The following PCK1 variants were observed in gnomAD, a reference collection of about 807,000 sequenced individuals.
PCK1 encodes phosphoenolpyruvate carboxykinase, cytosolic [GTP].
A neutral mutation model predicts 50.3 loss-of-function variants in PCK1; 44 were observed. The observed-to-expected ratio is 0.87, with a 90% CI of 0.69 to 1.12. The LOEUF (loss-of-function observed/expected upper bound fraction) is 1.12. Ranked by LOEUF, PCK1 falls within the 50% of genes most tolerant of loss-of-function variation. The probability of loss-of-function intolerance (pLI) is 0.00; values close to 1 mark genes in which losing one functional copy is unlikely to be tolerated. For synonymous variants in PCK1, 332 were observed against 314.3 expected (o/e 1.06, Z -0.59); for missense variants, 790 against 815.0 (o/e 0.97, Z 0.37).
chr20:57,564,952 C>A (rs2070188885), intron 8 of PCK1, 88 bp from the exon 9 acceptor site: 1 of 961,502 alleles, frequency 1.0e-6, no homozygotes, highest in Non-Finnish European at 1.6e-6. Flanking sequence ...CTTGCCGTGT[C>A]TTTCCGTGTT....
chr20:57,565,630 C>G lies in PCK1; in HGVS notation c.1695C>G (p.Asn565Lys). The G allele has an allele frequency of 6.2e-7, 1 of 1,614,186 alleles. No homozygotes were observed. Among genetic ancestry groups the G allele is most frequent in the South Asian group, 1.1e-5 (1 of 91,088 alleles). ...ACATCCCCAAGGAGGATGCCCTGAA[C>G]CTGAAAGGCCTGGGGCACATCAACA... is the stretch of plus-strand genomic sequence containing the variant. ...IGYIPKEDAL[N>K]LKGLGHINMM... The change falls in exon 10 of 10, where the codon AAC becomes AAG. Residue 565 changes from asparagine (N) to lysine (K), a missense_variant. Physicochemically the swap from Asn to Lys is moderately conservative, Grantham distance 94. Coordinates refer to ENST00000319441, the MANE Select transcript of PCK1 (RefSeq NM_002591.4).
chr20:57,563,733 T>C lies in PCK1; in HGVS notation c.961+6T>C, dbSNP rs1302387212. 15 of 1,602,160 alleles carry C rather than the reference T, an allele frequency of 9.4e-6. No homozygotes were observed. Among genetic ancestry groups the C allele is most frequent in the Non-Finnish European group, 1.3e-5 (15 of 1,173,780 alleles). ...GATGAAGTTTGACGCACAAGGTGAC[T>C]CTTTTAGACCCAACTCTTGGTAACG... is the stretch of plus-strand genomic sequence containing the variant. On this transcript the variant is annotated splice_donor_region_variant and intron_variant, in intron 6 of 9. Transcript: ENST00000319441.
In PCK1 at chr20:57,563,570, G is replaced by A; in HGVS notation, c.804G>A (p.Leu268=). The change falls in exon 6 of 10, where the codon CTG becomes CTA. Residue 268 remains leucine (L), a synonymous_variant. Coordinates refer to ENST00000319441, the MANE Select transcript of PCK1 (RefSeq NM_002591.4). ...AAGAATCTTGTCCCCAACAGATTCTGGGTATAACCAACCCTGAGGGTGAGA... is the reference window on the plus strand; with the variant it reads ...AAGAATCTTGTCCCCAACAGATTCTAGGTATAACCAACCCTGAGGGTGAGA... ...EGWLAEHMLI[L]GITNPEGEKK... 6.2e-7 allele frequency: 1 copy of A among 1,602,578 alleles called. No individual in the cohort carries two copies. Among genetic ancestry groups the A allele is most frequent in the African/African-American group, 1.3e-5 (1 of 74,602 alleles).
At position 57,563,625 on chromosome 20, in the gene PCK1, G is replaced by T. The variant is rs747837917; in HGVS notation, c.859G>T (p.Ala287Ser). The T allele has an allele frequency of 6.2e-7, 1 of 1,613,076 alleles. No individual in the cohort carries two copies. Among genetic ancestry groups the T allele is most frequent in the South Asian group, 1.1e-5 (1 of 91,050 alleles). The change falls in exon 6 of 10, where the codon GCC (alanine) becomes TCC (serine). Residue 287 changes from alanine to serine, a missense_variant. Coordinates refer to ENST00000319441, the MANE Select transcript of PCK1 (RefSeq NM_002591.4). The part of the protein sequence containing the change: ...KKYLAAAFPS[A>S]CGKTNLAMMN... ...GTACCTGGCGGCCGCATTTCCCAGCGCCTGCGGGAAGACCAACCTGGCCAT... is the reference window on the plus strand; with the variant it reads ...GTACCTGGCGGCCGCATTTCCCAGCTCCTGCGGGAAGACCAACCTGGCCAT...
intron 7 of PCK1, 29 bp downstream of exon 7, chr20:57,564,422 C>A (rs1486395200): frequency 3.7e-6 from 6 of 1,613,748 alleles, no homozygotes; most frequent in Non-Finnish European, 5.1e-6. Context: ...CCTTGGTGTG[C>A]CGGGCTGCAG....
At position 57,561,574 on chromosome 20, in the gene PCK1, C is replaced by A. The variant is rs373529977; in HGVS notation, c.163C>A (p.Arg55=). Residue 55 remains arginine (R), a synonymous_variant, in exon 2 of 10, where the codon CGG becomes AGG. Transcript: ENST00000319441. ...ICDGSEEENG[R]LLGQMEEEGI... ...TGACGGCTCTGAGGAGGAGAATGGGCGGCTTCTGGGCCAGATGGAGGAAGA... is the reference window on the plus strand; with the variant it reads ...TGACGGCTCTGAGGAGGAGAATGGGAGGCTTCTGGGCCAGATGGAGGAAGA... The A allele has an allele frequency of 1.2e-6, 2 of 1,613,886 alleles. No individual in the cohort carries two copies. The highest frequency in any genetic ancestry group is 2.2e-5 in the South Asian group (2 of 91,082).
chr20:57,564,697 C>T (rs563356415), intron 8 of PCK1, 84 bp downstream of exon 8: 7 of 1,275,426 alleles, frequency 5.5e-6, no homozygotes, highest in Non-Finnish European at 7.6e-6. Flanking sequence ...TTTCCATGAC[C>T]TTGTCAGAGG....
At position 57,562,786 on chromosome 20, in the gene PCK1, T is replaced by A. The variant is rs769106289; in HGVS notation, c.497T>A (p.Val166Glu). The change falls in exon 4 of 10, where the codon GTG becomes GAG. Residue 166 changes from valine to glutamate, a missense_variant. Physicochemically the swap from Val to Glu is moderately radical, Grantham distance 121. Transcript: ENST00000319441. ...IGIELTDSPY[V>E]VASMRIMTRM... The stretch of plus-strand genomic sequence containing the variant: ...ATCGAGCTGACGGATTCACCCTACG[T>A]GGTGGCCAGCATGCGGATCATGACG... The A allele has an allele frequency of 1.2e-6, 2 of 1,613,928 alleles. No individual in the cohort carries two copies. The highest frequency in any genetic ancestry group is 1.1e-5 in the South Asian group (1 of 91,088).
Position 57,564,256 on chromosome 20 carries a change from C to T in PCK1, c.1049C>T (p.Thr350Ile), listed in dbSNP as rs2070180566. 1 of 1,614,072 alleles carries T rather than the reference C, an allele frequency of 6.2e-7. No individual in the cohort carries two copies. Among genetic ancestry groups the T allele is most frequent in the African/African-American group, 1.3e-5 (1 of 75,012 alleles). ...SVKTNPNAIK[T>I]IQKNTIFTNV... ...AAGACCAACCCCAATGCCATCAAGA[C>T]CATCCAGAAGAACACAATCTTTACC... Residue 350 changes from threonine to isoleucine, a missense_variant, in exon 7 of 10, where the codon ACC (threonine) becomes ATC (isoleucine). Coordinates refer to ENST00000319441, the MANE Select transcript of PCK1 (RefSeq NM_002591.4).
In PCK1 at chr20:57,563,206, G is replaced by T; in HGVS notation, c.789G>T (p.Glu263Asp). 6.2e-7 allele frequency: 1 copy of T among 1,613,456 alleles called. No individual in the cohort carries two copies. Among genetic ancestry groups the T allele is most frequent in the Non-Finnish European group, 8.5e-7 (1 of 1,179,966 alleles). The change falls in exon 5 of 10, where the codon GAG becomes GAT. Residue 263 changes from glutamate to aspartate, a missense_variant. By Grantham distance (45) the Glu-to-Asp change is conservative (BLOSUM62 2). Coordinates refer to ENST00000319441, the MANE Select transcript of PCK1 (RefSeq NM_002591.4). The stretch of plus-strand genomic sequence containing the variant: ...CCAAGGAGGAAGGGTGGCTGGCAGA[G>T]CACATGCTGGTGAGCCTGCAGGAAG... Reference protein sequence around the residue: ...RLAKEEGWLAEHMLILGITNP... With the variant: ...RLAKEEGWLADHMLILGITNP...
Position 57,563,030 on chromosome 20 carries a change from C to A in PCK1, c.613C>A (p.Pro205Thr). 2 of 1,612,598 alleles carry A rather than the reference C, an allele frequency of 1.2e-6. No homozygotes were observed. The highest frequency in any genetic ancestry group is 1.7e-6 in the Non-Finnish European group (2 of 1,179,036). ...SVGCPLPLQKPLVNNWPCNPE... is the reference protein window; with the variant it reads ...SVGCPLPLQKTLVNNWPCNPE... ...TTGGGAGGGGTCCTTGTTCACAGAGCCTTTGGTCAACAACTGGCCCTGCAA... is the reference window on the plus strand; with the variant it reads ...TTGGGAGGGGTCCTTGTTCACAGAGACTTTGGTCAACAACTGGCCCTGCAA... The change falls in exon 5 of 10, where the codon CCT (proline) becomes ACT (threonine). Residue 205 changes from proline to threonine, a missense_variant and splice_region_variant. Coordinates refer to ENST00000319441, the MANE Select transcript of PCK1 (RefSeq NM_002591.4).
chr20:57,561,924 G>A, intron 2 of PCK1, 147 bp from the exon 3 acceptor site: 3 of 659,464 alleles, frequency 4.5e-6, no homozygotes, highest in South Asian at 2.0e-5. Context: ...TGTCCACCTG[G>A]CCATGTCTTA....
Position 57,562,256 on chromosome 20 carries a change from A to C in PCK1, c.406+4A>C. On this transcript the variant is annotated splice_donor_region_variant and intron_variant, in intron 3 of 9. Coordinates refer to ENST00000319441, the MANE Select transcript of PCK1 (RefSeq NM_002591.4). ...AGGTTCCCAGGGTGCATGAAAGGTG[A>C]GCGGAACATTGATTTGATTGGGTAA... The C allele has an allele frequency of 1.2e-6, 2 of 1,612,194 alleles. No individual in the cohort carries two copies. The highest frequency in any genetic ancestry group is 2.2e-5 in the South Asian group (2 of 91,034).
Position 57,562,819 on chromosome 20 carries a change from G to A in PCK1, c.530G>A (p.Gly177Asp), listed in dbSNP as rs1445934363. 11 of 1,613,892 alleles carry A rather than the reference G, an allele frequency of 6.8e-6. No individual in the cohort carries two copies. The highest frequency in any genetic ancestry group is 9.3e-6 in the Non-Finnish European group (11 of 1,179,854). The stretch of plus-strand genomic sequence containing the variant: ...AGCATGCGGATCATGACGCGGATGG[G>A]CACGCCCGTCCTGGAAGCAGTGGGC... ...VASMRIMTRM[G>D]TPVLEAVGDG... The change falls in exon 4 of 10, where the codon GGC becomes GAC. Residue 177 changes from glycine (G) to aspartate (D), a missense_variant. Coordinates refer to ENST00000319441, the MANE Select transcript of PCK1 (RefSeq NM_002591.4).
rs774493070 is a variant in PCK1 at position 57,561,436 on chromosome 20, C to T, written c.25C>T (p.Leu9=). 1.6e-5 allele frequency: 26 copies of T among 1,613,336 alleles called. No individual in the cohort carries two copies. Among genetic ancestry groups the T allele is most frequent in the Non-Finnish European group, 2.1e-5 (25 of 1,179,908 alleles). Reference sequence around the variant, plus strand: ...AATGCCTCCTCAGCTGCAAAACGGCCTGAACCTCTCGGCCAAAGTTGTCCA... The same window carrying T: ...AATGCCTCCTCAGCTGCAAAACGGCTTGAACCTCTCGGCCAAAGTTGTCCA... The part of the protein sequence containing the change: MPPQLQNG[L]NLSAKVVQGS... The change falls in exon 2 of 10, where the codon CTG becomes TTG. Residue 9 remains leucine, a synonymous_variant. Coordinates refer to ENST00000319441, the MANE Select transcript of PCK1 (RefSeq NM_002591.4).
At chr20:57,564,122 G>C in intron 6 of PCK1, 47 bp from the exon 7 acceptor site, 1 of 1,246,382 alleles carries the variant, frequency 8.0e-7, no homozygotes, top group South Asian at 1.3e-5. Flanking sequence ...TATATGTTCT[G>C]CTTTGCCTGG....
At position 57,565,680 on chromosome 20, in the gene PCK1, A is replaced by G. The variant is rs769502669; in HGVS notation, c.1745A>G (p.Lys582Arg). Residue 582 changes from lysine to arginine, a missense_variant, in exon 10 of 10, where the codon AAG becomes AGG. By Grantham distance (26) the Lys-to-Arg change is conservative. Transcript: ENST00000319441. ...INMMELFSISKEFWEKEVEDI... is the reference protein window; with the variant it reads ...INMMELFSISREFWEKEVEDI... ...ATGATGGAGCTTTTCAGCATCTCCAAGGAATTCTGGGAGAAGGAGGTGGAA... is the reference window on the plus strand; with the variant it reads ...ATGATGGAGCTTTTCAGCATCTCCAGGGAATTCTGGGAGAAGGAGGTGGAA... The G allele has an allele frequency of 4.3e-6, 7 of 1,614,024 alleles. No homozygotes were observed. In the East Asian group the frequency reaches 1.3e-4, roughly 31 times the overall value.
intron 3 of PCK1, 25 bp downstream of exon 3, chr20:57,562,277 G>C: frequency 1.9e-6 from 3 of 1,594,516 alleles, no homozygotes; most frequent in Non-Finnish European, 2.6e-6. Flanking sequence ...GATTTGATTG[G>C]GTAAAACAGC....
At chr20:57,564,129 C>T (rs182626261) in intron 6 of PCK1, 40 bp from the exon 7 acceptor site, 1 of 1,338,424 alleles carries the variant, frequency 7.5e-7, no homozygotes, top group Non-Finnish European at 1.1e-6. Context: ...TCTGCTTTGC[C>T]TGGCACTCAC....
Sources: allele counts gnomAD v4.1 joint callset, GRCh38; gene constraint gnomAD v4.1.1; transcripts MANE v1.5; gene names NCBI Gene and HGNC (gene_info 2026-07-23, HGNC 2026-07-21).